Variants in KLHL10 observed in about 807,000 individuals in gnomAD.
The protein encoded by KLHL10 is kelch-like protein 10.
KLHL10 carries 11 observed loss-of-function variants against 46.6 expected under a neutral mutation model. The ratio of observed to expected loss-of-function variants is 0.24; its 90% confidence interval spans 0.15 to 0.39. KLHL10 has a LOEUF of 0.39. Among genes scored for constraint, KLHL10 ranks in the 10% least tolerant of loss-of-function variants. The pLI, the probability that KLHL10 is intolerant of heterozygous loss-of-function variation, is 1.00. For synonymous variants in KLHL10, 254 were observed against 279.1 expected (o/e 0.91, Z 0.90); for missense variants, 475 against 789.8 (o/e 0.60, Z 4.78).
intron 3 of KLHL10, among the ~76,000 whole-genome samples, chr17:41,846,848 A>G (rs1490193152): frequency 1.3e-5 from 2 of 152,016 alleles, no homozygotes; most frequent in East Asian, 3.9e-4. Flanking sequence ...GGCACAGTGT[A>G]TCATGCCTGT....
In KLHL10 at chr17:41,842,066, G is replaced by A. The variant is rs782751925; in HGVS notation, c.438G>A (p.Lys146=). The change falls in exon 2 of 5, where the codon AAG becomes AAA. Residue 146 remains lysine (K), a synonymous_variant. Coordinates refer to ENST00000293303, the MANE Select transcript of KLHL10 (RefSeq NM_152467.5). ...TGGATAATTGTATCGGCATCTGTAA[G>A]TTCACGGACTACTACTACTGTCCTG... The part of the protein sequence containing the change: ...LCLDNCIGIC[K]FTDYYYCPEL... 1 of 1,614,150 alleles carries A rather than the reference G, an allele frequency of 6.2e-7. No individual in the cohort carries two copies. The highest frequency in any genetic ancestry group is 1.7e-5 in the Admixed American group (1 of 59,994).
intron 2 of KLHL10, among the ~76,000 whole-genome samples, chr17:41,843,529 T>A (rs80069014): frequency 2.0e-5 from 3 of 149,130 alleles, no homozygotes; most frequent in South Asian, 2.1e-4. Context: ...AAAAAAAAAA[T>A]CTTAAGTATT....
chr17:41,843,096 A>G (rs915019076), intron 2 of KLHL10, among the ~76,000 whole-genome samples: 22 of 151,172 alleles, frequency 1.5e-4, no homozygotes, highest in Non-Finnish European at 2.9e-4. Flanking sequence ...ACTGCAGTCC[A>G]GCCTGGGCAA....
rs782138226 is a variant in KLHL10 at position 41,841,916 on chromosome 17, T to C, written c.288T>C (p.Tyr96=). 5.6e-6 allele frequency: 9 copies of C among 1,614,104 alleles called. No homozygotes were observed. In the African/African-American group the frequency reaches 1.2e-4, roughly 22 times the overall value. Residue 96 remains tyrosine, a synonymous_variant, in exon 2 of 5, where the codon TAT becomes TAC. Transcript: ENST00000293303. ...SPDMMKLIIE[Y]AYTRTVPITP... ...ACATGATGAAGCTAATCATTGAGTA[T>C]GCATACACCCGGACCGTGCCTATCA...
chr17:41,845,108 T>C lies in KLHL10; in HGVS notation c.685-18T>C. The stretch of plus-strand genomic sequence containing the variant: ...CACTCTCACGTCACCTGAATGACTT[T>C]CTGCGTTTGCTTCTTAGGTTCGCCT... On this transcript the variant is annotated intron_variant, in intron 2 of 4. Coordinates refer to ENST00000293303, the MANE Select transcript of KLHL10 (RefSeq NM_152467.5). The C allele has an allele frequency of 6.2e-7, 1 of 1,614,200 alleles. No individual in the cohort carries two copies. Among genetic ancestry groups the C allele is most frequent in the South Asian group, 1.1e-5 (1 of 91,066 alleles).
chr17:41,842,042 G>A lies in KLHL10; in HGVS notation c.414G>A (p.Leu138=). ...CCEFLKSELC[L]DNCIGICKFT... ...AGTTCCTCAAGTCAGAGCTGTGCTT[G>A]GATAATTGTATCGGCATCTGTAAGT... Residue 138 remains leucine (L), a synonymous_variant, in exon 2 of 5, where the codon TTG becomes TTA. Coordinates refer to ENST00000293303, the MANE Select transcript of KLHL10 (RefSeq NM_152467.5). The A allele has an allele frequency of 6.2e-7, 1 of 1,614,104 alleles. No individual in the cohort carries two copies. Among genetic ancestry groups the A allele is most frequent in the African/African-American group, 1.3e-5 (1 of 75,016 alleles).
chr17:41,843,656 G>A (rs1279148135), intron 2 of KLHL10, among the ~76,000 whole-genome samples: 3 of 152,058 alleles, frequency 2.0e-5, no homozygotes, highest in African/African-American at 7.2e-5. Flanking sequence ...CACTAACCAA[G>A]GAATGGGATT....
intron 4 of KLHL10, 32 bp downstream of exon 4, chr17:41,847,442 A>C: frequency 6.2e-7 from 1 of 1,613,304 alleles, no homozygotes; most frequent in Non-Finnish European, 8.5e-7. Flanking sequence ...CACACACAAA[A>C]AACACATTAC....
At chr17:41,838,354 T>C (rs2048191016) in intron 1 of KLHL10, among the ~76,000 whole-genome samples, 1 of 152,038 alleles carries the variant, frequency 6.6e-6, no homozygotes, top group South Asian at 2.1e-4. Flanking sequence ...CTTCAACTGC[T>C]GGGCTCAAAC....
At chr17:41,846,760 A>T (rs1038398394) in intron 3 of KLHL10, among the ~76,000 whole-genome samples, 2 of 151,960 alleles carry the variant, frequency 1.3e-5, no homozygotes, top group African/African-American at 4.8e-5. Context: ...GGTTGTAGTG[A>T]GCCGGGATAG....
chr17:41,838,308 C>A (rs1201416009), intron 1 of KLHL10, among the ~76,000 whole-genome samples, 182 bp downstream of exon 1: 2 of 152,120 alleles, frequency 1.3e-5, no homozygotes, highest in Admixed American at 6.6e-5. Context: ...TTCACCCAGG[C>A]TGGAGTGTAG....
intron 2 of KLHL10, among the ~76,000 whole-genome samples, chr17:41,844,542 ATTTTTTTTT>A (rs369578859): frequency 0.27 from 30,923 of 115,686 alleles, 3,672 homozygotes; most frequent in Admixed American, 0.37. Flanking sequence ...TGGTTTTTGT[ATTTTTTTTT>A]TTTTTTTTTT....
At chr17:41,845,909 G>A in intron 3 of KLHL10, 166 bp downstream of exon 3, 1 of 944,776 alleles carries the variant, frequency 1.1e-6, no homozygotes, top group Non-Finnish European at 1.6e-6. Context: ...CTTTTATGTT[G>A]TTTATTGAAA....
intron 1 of KLHL10, 80 bp downstream of exon 1, chr17:41,838,206 C>A (rs1041016766): frequency 4.3e-5 from 53 of 1,228,012 alleles, no homozygotes; most frequent in Non-Finnish European, 5.8e-5. Flanking sequence ...CTGTTTCCCA[C>A]CCCATCACCT....
Position 41,842,291 on chromosome 17 carries a change from C to T in KLHL10, c.663C>T (p.His221=). Residue 221 remains histidine (H), a synonymous_variant, in exon 2 of 5, where the codon CAC becomes CAT. Transcript: ENST00000293303. ...ISHDPQNRKQ[H]ISILLPKVRL... Reference sequence around the variant, plus strand: ...ATGACCCCCAAAATAGAAAGCAGCACATTTCAATTTTGCTTCCTAAGGTCA... The same window carrying T: ...ATGACCCCCAAAATAGAAAGCAGCATATTTCAATTTTGCTTCCTAAGGTCA... 6.2e-7 allele frequency: 1 copy of T among 1,614,034 alleles called. No homozygotes were observed. The highest frequency in any genetic ancestry group is 8.5e-7 in the Non-Finnish European group (1 of 1,180,038).
At chr17:41,835,761 G>T, upstream of KLHL10, 1 of 1,217,260 alleles carries the variant, frequency 8.2e-7, no homozygotes, top group Non-Finnish European at 1.2e-6. Flanking sequence ...CAGAGAGCTA[G>T]GAGGGGTCCG....
At position 41,845,633 on chromosome 17, in the gene KLHL10, G is replaced by C. The variant is rs1555621297; in HGVS notation, c.1192G>C (p.Val398Leu). The C allele has an allele frequency of 5.0e-6, 8 of 1,613,668 alleles. No homozygotes were observed. Among genetic ancestry groups the C allele is most frequent in the Non-Finnish European group, 6.8e-6 (8 of 1,179,710 alleles). ...TGCCATGGGAGGATTTGATGGCTAC[G>C]TGCGTCTAAACACTGCTGAACGTTA... Reference protein sequence around the residue: ...IYAMGGFDGYVRLNTAERYEP... With the variant: ...IYAMGGFDGYLRLNTAERYEP... Residue 398 changes from valine to leucine, a missense_variant, in exon 3 of 5, where the codon GTG (valine) becomes CTG (leucine). Transcript: ENST00000293303.
At position 41,842,073 on chromosome 17, in the gene KLHL10, G is replaced by A; in HGVS notation, c.445G>A (p.Asp149Asn). Residue 149 changes from aspartate to asparagine, a missense_variant, in exon 2 of 5, where the codon GAC becomes AAC. Physicochemically the swap from Asp to Asn is conservative, Grantham distance 23 (BLOSUM62 1). Coordinates refer to ENST00000293303, the MANE Select transcript of KLHL10 (RefSeq NM_152467.5). ...DNCIGICKFTDYYYCPELRQK... is the reference protein window; with the variant it reads ...DNCIGICKFTNYYYCPELRQK... ...TTGTATCGGCATCTGTAAGTTCACG[G>A]ACTACTACTACTGTCCTGAGCTGAG... 2 of 1,614,112 alleles carry A rather than the reference G, an allele frequency of 1.2e-6. No homozygotes were observed. The highest frequency in any genetic ancestry group is 1.7e-6 in the Non-Finnish European group (2 of 1,180,032).
rs181956619 is a variant in KLHL10 at position 41,844,043 on chromosome 17, G to A, written c.685-1083G>A. On this transcript the variant is annotated intron_variant, in intron 2 of 4. Coordinates refer to ENST00000293303, the MANE Select transcript of KLHL10 (RefSeq NM_152467.5). Reference sequence around the variant, plus strand: ...CCCAAAGTGCTGGGATTACAGGTGTGAGCTAGCGCCCGGCTGACAACTATT... The same window carrying A: ...CCCAAAGTGCTGGGATTACAGGTGTAAGCTAGCGCCCGGCTGACAACTATT... Among the ~76,000 whole-genome samples the A allele has an allele frequency of 4.0e-5, 6 of 151,844 alleles. No individual in the cohort carries two copies. In the East Asian group the frequency reaches 9.8e-4, roughly 25 times the overall value.
Sources: allele counts gnomAD v4.1 joint callset (sites outside exome capture counted in the v4.1 genomes callset), GRCh38; gene constraint gnomAD v4.1.1; transcripts MANE v1.5; gene names NCBI Gene and HGNC (gene_info 2026-07-23, HGNC 2026-07-21).